DICER1: variants seen among roughly 807,000 people sequenced by gnomAD.
The protein encoded by DICER1 is dicer 1, ribonuclease III.
A neutral mutation model predicts 194.1 loss-of-function variants in DICER1; 43 were observed. The ratio of observed to expected loss-of-function variants is 0.22; its 90% CI spans 0.17 to 0.29. The LOEUF (loss-of-function observed/expected upper bound fraction) is 0.29. DICER1 is among the 10% of genes least tolerant of loss of function. The pLI is 1.00. For missense variants in DICER1, 1,608 were observed against 2,317.0 expected (o/e 0.69, Z 6.28); for synonymous variants, 832 against 820.5 (o/e 1.01, Z -0.24).
intron 21 of DICER1, 111 bp from the exon 22 acceptor site, chr14:95,100,046 A>T: frequency 2.6e-6 from 3 of 1,143,534 alleles, no homozygotes; most frequent in Non-Finnish European, 3.8e-6. Flanking sequence ...TCAATTAATT[A>T]TATGTCATCA....
At chr14:95,104,240 C>T (rs1891209688) in intron 20 of DICER1, 114 bp from the exon 21 acceptor site, 2 of 876,602 alleles carry the variant, frequency 2.3e-6, no homozygotes, top group Non-Finnish European at 3.5e-6. Flanking sequence ...TACTCCTAAA[C>T]TTTAGAATAG....
At position 95,090,611 on chromosome 14, in the gene DICER1, C is replaced by T. The variant is rs1566744851; in HGVS notation, c.5656G>A (p.Gly1886Arg). The T allele has an allele frequency of 6.2e-7, 1 of 1,614,188 alleles. No individual in the cohort carries two copies. Among genetic ancestry groups the T allele is most frequent in the Non-Finnish European group, 8.5e-7 (1 of 1,180,038 alleles). Residue 1886 changes from glycine to arginine, a missense_variant, in exon 27 of 27, where the codon GGA becomes AGA. This residue lies in a region of DICER1 where 138 missense variants were observed against 298.3 expected (regional missense o/e 0.46). Coordinates refer to ENST00000343455, the MANE Select transcript of DICER1 (RefSeq NM_177438.3). ...GKVRVTVEVV[G>R]KGKFKGVGRS... is the part of the protein sequence containing the mutation. Reference sequence around the variant, plus strand: ...CCAACACCTTTAAATTTCCCCTTTCCTACTACTTCCACAGTGACTCTGACC... The same window carrying T: ...CCAACACCTTTAAATTTCCCCTTTCTTACTACTTCCACAGTGACTCTGACC...
chr14:95,142,078 C>CTCAGTAA (rs1894858396), intron 1 of DICER1, among the ~76,000 whole-genome samples: 1 of 152,020 alleles, frequency 6.6e-6, no homozygotes, highest in Non-Finnish European at 1.5e-5. Context: ...TCCTATCTCC[C>CTCAGTAA]AATATGTCAG....
chr14:95,130,864 A>T (rs1430866228), intron 4 of DICER1, among the ~76,000 whole-genome samples: 2 of 152,178 alleles, frequency 1.3e-5, no homozygotes, highest in Non-Finnish European at 2.9e-5. Flanking sequence ...CAAGCAAGAA[A>T]TTTTTCCAGT....
chr14:95,145,838 C>G (rs1401145546), intron 1 of DICER1, among the ~76,000 whole-genome samples: 2 of 151,668 alleles, frequency 1.3e-5, no homozygotes, highest in East Asian at 1.9e-4. Context: ...CTTTACATTT[C>G]TGTCATTCTT....
At chr14:95,137,612 G>A (rs574869841) in intron 1 of DICER1, among the ~76,000 whole-genome samples, 103 of 152,092 alleles carry the variant, frequency 6.8e-4, no homozygotes, top group Non-Finnish European at 1.4e-3. Context: ...GATCAAAGCA[G>A]AAAGCCATCA....
intron 1 of DICER1, among the ~76,000 whole-genome samples, chr14:95,136,441 A>G (rs1334855815): frequency 6.6e-6 from 1 of 152,100 alleles, no homozygotes; most frequent in African/African-American, 2.4e-5. Flanking sequence ...CAGTGGTGCA[A>G]TGATGGCTCA....
rs150893725 is a variant in DICER1, at chr14:95,093,868, T to A, written c.5364+20A>T. ...CCTAGTTAGACCACTTTTTTCAACA[T>A]CGTTTTGAACAGCACTAACCTCAGA... On this transcript the variant is annotated intron_variant, in intron 24 of 26. Coordinates refer to ENST00000343455, the MANE Select transcript of DICER1 (RefSeq NM_177438.3). 356 of 1,613,988 alleles carry A rather than the reference T, an allele frequency of 2.2e-4. 1 individual carries two copies. In the East Asian group the frequency reaches 5.7e-3, roughly 26 times the overall value.
In DICER1 at chr14:95,089,422, G is replaced by A. The variant is rs1177139072; in HGVS notation, c.*1076C>T. On this transcript the variant is annotated 3_prime_UTR_variant, in exon 27 of 27. Coordinates refer to ENST00000343455, the MANE Select transcript of DICER1 (RefSeq NM_177438.3). ...ACTAAGGGTAAAGGTGCTGTGTTTT[G>A]CTTCTTAAATAAGTAACCAATCAAT... is the stretch of plus-strand genomic sequence containing the variant. 4.3e-6 allele frequency: 1 copy of A among 232,636 alleles called. No homozygotes were observed. The highest frequency in any genetic ancestry group is 2.2e-5 in the African/African-American group (1 of 45,308). The allele number at this position is 232,636 out of a possible 1,614,324, so 14.4% of individuals were successfully genotyped here. A position where few individuals can be genotyped will look rare whatever the true frequency, so the allele number is the denominator to read the frequency against.
Position 95,113,131 on chromosome 14 carries a change from A to G in DICER1, c.2001T>C (p.Leu667=). ...GAAGAGGTGAGTTAATTGGCAGATA[A>G]AGAGTTGAATAAAATGTACCATCAG... is the stretch of plus-strand genomic sequence containing the variant. ...ELPDGTFYST[L]YLPINSPLRA... Residue 667 remains leucine (L), a synonymous_variant, in exon 12 of 27, where the codon CTT becomes CTC. Coordinates refer to ENST00000343455, the MANE Select transcript of DICER1 (RefSeq NM_177438.3). The G allele has an allele frequency of 6.2e-7, 1 of 1,613,784 alleles. No individual in the cohort carries two copies. Among genetic ancestry groups the G allele is most frequent in the Non-Finnish European group, 8.5e-7 (1 of 1,179,668 alleles).
chr14:95,137,631 A>T (rs1232803800), intron 1 of DICER1, among the ~76,000 whole-genome samples: 3 of 152,128 alleles, frequency 2.0e-5, no homozygotes, highest in African/African-American at 7.2e-5. Flanking sequence ...CAGGCCACAA[A>T]TATTGAGATA....
At chr14:95,101,945 G>C (rs1890916399) in intron 21 of DICER1, among the ~76,000 whole-genome samples, 1 of 152,154 alleles carries the variant, frequency 6.6e-6, no homozygotes, top group African/African-American at 2.4e-5. Context: ...AGGCTGTCTG[G>C]ATTCGACCCA....
chr14:95,138,385 G>C (rs1224675234), intron 1 of DICER1, among the ~76,000 whole-genome samples: 1 of 149,672 alleles, frequency 6.7e-6, no homozygotes, highest in African/African-American at 2.4e-5. Flanking sequence ...TCTAAATAAA[G>C]AGAAAATAGA....
chr14:95,155,466 A>T (rs1163619776), intron 1 of DICER1, among the ~76,000 whole-genome samples: 1 of 152,218 alleles, frequency 6.6e-6, no homozygotes, highest in Non-Finnish European at 1.5e-5. Context: ...TGACAAAATC[A>T]CTGTCAAATA....
intron 1 of DICER1, among the ~76,000 whole-genome samples, chr14:95,137,312 G>A (rs1031761323): frequency 1.5e-4 from 21 of 137,602 alleles, no homozygotes; most frequent in Admixed American, 4.4e-4. Context: ...AAAGGAAAAG[G>A]GAAAGGGGAA....
chr14:95,100,480 T>C (rs1277467343), intron 21 of DICER1, among the ~76,000 whole-genome samples: 1 of 152,184 alleles, frequency 6.6e-6, no homozygotes, highest in Non-Finnish European at 1.5e-5. Flanking sequence ...CTCTCAAATA[T>C]TATTCCTTTG....
At chr14:95,114,377 T>C (rs1003360639) in intron 11 of DICER1, among the ~76,000 whole-genome samples, 1 of 152,158 alleles carries the variant, frequency 6.6e-6, no homozygotes, top group South Asian at 2.1e-4. Flanking sequence ...TAAATGATAA[T>C]GATAGATTAT....
At chr14:95,091,151 A>G (rs1889776953) in intron 25 of DICER1, 42 bp from the exon 26 acceptor site, 1 of 1,613,750 alleles carries the variant, frequency 6.2e-7, no homozygotes, top group Admixed American at 1.7e-5. Flanking sequence ...ATATCTCTGA[A>G]GTTGTTTTTA....
rs576129629 is a variant in DICER1, at chr14:95,136,653, C to G, written c.-45-3150G>C. Reference sequence around the variant, plus strand: ...GCCAGAGGAATTGGTTCATGCTCATCCAACAGCAAAAAATTTAGGACTTTC... The same window carrying G: ...GCCAGAGGAATTGGTTCATGCTCATGCAACAGCAAAAAATTTAGGACTTTC... On this transcript the variant is annotated intron_variant, in intron 1 of 26. Coordinates refer to ENST00000343455, the MANE Select transcript of DICER1 (RefSeq NM_177438.3). 5.9e-5 allele frequency: 9 copies of G among 152,284 alleles called. No homozygotes were observed. The South Asian group carries it at 1.9e-3, about 32-fold the overall frequency. 9.4% of individuals were successfully genotyped at this position (152,284 alleles called of 1,614,324 possible).
Sources: gnomAD v4.1 joint callset for allele counts (sites outside exome capture counted in the v4.1 genomes callset) on GRCh38, gnomAD v4.1.1 for gene constraint, gnomAD v4.1.1 regional missense constraint, MANE v1.5 for transcripts, NCBI Gene and HGNC (gene_info 2026-07-23, HGNC 2026-07-21) for gene names.